The following ERN1 variants were observed in gnomAD, a reference collection of about 807,000 sequenced individuals.
ERN1 encodes endoplasmic reticulum to nucleus signaling 1, also known as serine/threonine-protein kinase/endoribonuclease IRE1.
Under a neutral mutation model 113.1 loss-of-function variants are expected in ERN1, and 39 were observed. The observed-to-expected ratio is 0.34, with a 90% CI of 0.27 to 0.45. ERN1 has a LOEUF of 0.45. Ranked by LOEUF, ERN1 falls within the 20% of genes least tolerant of loss-of-function variation. The pLI is 1.00. For missense variants in ERN1, 976 were observed against 1,274.8 expected, an observed-to-expected ratio of 0.77 and a Z score of 3.57; for synonymous variants, 507 against 515.9, an observed-to-expected ratio of 0.98 and a Z score of 0.23.
At chr17:64,059,532 G>A (rs942032719) in intron 11 of ERN1, among the ~76,000 whole-genome samples, 4 of 152,210 alleles carry the variant, frequency 2.6e-5, no homozygotes, top group Non-Finnish European at 4.4e-5. Flanking sequence ...CTCCTCCACC[G>A]GCTCTGTGCC....
rs566238093 is a variant in ERN1, at chr17:64,042,774, A to G, written c.*1214T>C. Reference sequence around the variant, plus strand: ...TTGCTATAATGTTTTACTCTTCAGCATTAGAGAATGTTCTATACATGAACA... The same window carrying G: ...TTGCTATAATGTTTTACTCTTCAGCGTTAGAGAATGTTCTATACATGAACA... On this transcript the variant is annotated 3_prime_UTR_variant, in exon 22 of 22. Coordinates refer to ENST00000433197, the MANE Select transcript of ERN1 (RefSeq NM_001433.5). The G allele has an allele frequency of 1.1e-3, 161 of 152,180 alleles. 1 individual carries two copies. Among genetic ancestry groups the G allele is most frequent in the African/African-American group, 3.7e-3 (153 of 41,426 alleles). 9.4% of individuals were successfully genotyped at this position (152,180 alleles called of 1,614,324 possible). A position where few individuals can be genotyped will look rare whatever the true frequency, so the allele number is the denominator to read the frequency against.
intron 2 of ERN1, among the ~76,000 whole-genome samples, chr17:64,081,205 G>C (rs1330201974): frequency 6.6e-6 from 1 of 152,142 alleles, no homozygotes; most frequent in Non-Finnish European, 1.5e-5. Context: ...TACCTTGTCC[G>C]ATGCCTGGAG....
At chr17:64,065,891 C>A (rs1283122748) in intron 8 of ERN1, among the ~76,000 whole-genome samples, 1 of 152,206 alleles carries the variant, frequency 6.6e-6, no homozygotes, top group Non-Finnish European at 1.5e-5. Context: ...GAGAGCTACA[C>A]CTCCTGGCCC....
At chr17:64,057,620 G>A (rs899926885) in intron 12 of ERN1, among the ~76,000 whole-genome samples, 182 bp downstream of exon 12, 4 of 152,068 alleles carry the variant, frequency 2.6e-5, no homozygotes, top group African/African-American at 9.7e-5. Context: ...CACCCGCCTC[G>A]GCCTCCCAAA....
chr17:64,127,146 A>G (rs1040776668), intron 1 of ERN1, among the ~76,000 whole-genome samples: 4 of 152,196 alleles, frequency 2.6e-5, no homozygotes, highest in Non-Finnish European at 5.9e-5. Context: ...TACCAATGTT[A>G]TTGCGTTTTG....
chr17:64,128,335 C>A (rs1477209354), intron 1 of ERN1, among the ~76,000 whole-genome samples: 4 of 152,054 alleles, frequency 2.6e-5, no homozygotes, highest in Admixed American at 2.6e-4. Flanking sequence ...AATATAGTTA[C>A]GCTAAACTAT....
intron 1 of ERN1, among the ~76,000 whole-genome samples, chr17:64,104,059 G>A (rs1043026605): frequency 2.6e-4 from 39 of 151,710 alleles, no homozygotes; most frequent in African/African-American, 9.2e-4. Flanking sequence ...TGCAATATAG[G>A]GAGACCCCAT....
Position 64,057,892 on chromosome 17 carries a change from G to A in ERN1, c.1308C>T (p.Pro436=), listed in dbSNP as rs368356760. ...CCATGTCCTTAAGCATGGAGTCCAC[G>A]GGGGCCTCGGGCCGGGCAGGGGCAT... is the stretch of plus-strand genomic sequence containing the variant. ...PAHAPARPEA[P]VDSMLKDMAT... Residue 436 remains proline (P), a synonymous_variant, in exon 12 of 22, where the codon CCC becomes CCT. Transcript: ENST00000433197. 9.1e-5 allele frequency: 147 copies of A among 1,613,412 alleles called. No homozygotes were observed. The highest frequency in any genetic ancestry group is 1.2e-4 in the Non-Finnish European group (142 of 1,179,680).
intron 9 of ERN1, among the ~76,000 whole-genome samples, chr17:64,064,979 T>C (rs196938): frequency 0.98 from 149,051 of 152,278 alleles, 73,049 homozygotes; most frequent in Middle Eastern, 1. Flanking sequence ...TTAGATTTGA[T>C]CACAAAAGCA....
chr17:64,098,862 A>C (rs1251767302), intron 1 of ERN1, among the ~76,000 whole-genome samples: 1 of 152,132 alleles, frequency 6.6e-6, no homozygotes, highest in African/African-American at 2.4e-5. Context: ...AACAAACTTA[A>C]AACAAAACAA....
At chr17:64,068,161 G>A (rs1229865302) in intron 7 of ERN1, 29 bp downstream of exon 7, 2 of 1,526,148 alleles carry the variant, frequency 1.3e-6, no homozygotes, top group East Asian at 2.3e-5. Context: ...ACTGGCCCAA[G>A]CTTGTGAAAT....
chr17:64,072,811 GA>G (rs886652663), intron 5 of ERN1, among the ~76,000 whole-genome samples: 1 of 152,184 alleles, frequency 6.6e-6, no homozygotes, highest in Non-Finnish European at 1.5e-5. Flanking sequence ...AGCATCCTAG[GA>G]ATGGAGAGTC....
At chr17:64,097,986 C>G in intron 2 of ERN1, 135 bp downstream of exon 2, 2 of 1,193,190 alleles carry the variant, frequency 1.7e-6, no homozygotes, top group East Asian at 5.1e-5. Context: ...GCCTTTTCCT[C>G]TCTTGATCCC....
At chr17:64,050,050 C>A (rs186718636) in intron 17 of ERN1, among the ~76,000 whole-genome samples, 1 of 152,142 alleles carries the variant, frequency 6.6e-6, no homozygotes, top group Admixed American at 6.5e-5. Context: ...CCTTGTGAGG[C>A]GAGCAGAGCA....
intron 9 of ERN1, 93 bp downstream of exon 9, chr17:64,065,116 A>T: frequency 1.3e-6 from 1 of 767,198 alleles, no homozygotes; most frequent in Non-Finnish European, 2.1e-6. Flanking sequence ...TTTCATTCTT[A>T]ACCTGCAGGA....
chr17:64,083,077 G>A (rs1913817505), intron 2 of ERN1, among the ~76,000 whole-genome samples: 1 of 152,058 alleles, frequency 6.6e-6, no homozygotes, highest in Non-Finnish European at 1.5e-5. Flanking sequence ...TTTTCTTTAA[G>A]AATCATCTGA....
At chr17:64,112,261 G>A (rs981412481) in intron 1 of ERN1, among the ~76,000 whole-genome samples, 2 of 151,790 alleles carry the variant, frequency 1.3e-5, no homozygotes, top group Non-Finnish European at 2.9e-5. Context: ...CCAGCTCCTC[G>A]AGTGGGTGAG....
chr17:64,112,484 C>A (rs1405508271), intron 1 of ERN1, among the ~76,000 whole-genome samples: 1 of 152,070 alleles, frequency 6.6e-6, no homozygotes, highest in Non-Finnish European at 1.5e-5. Flanking sequence ...TGGAAACTCA[C>A]CTATGATGCT....
At chr17:64,087,154 C>T (rs1263457511) in intron 2 of ERN1, among the ~76,000 whole-genome samples, 5 of 152,116 alleles carry the variant, frequency 3.3e-5, no homozygotes, top group African/African-American at 1.2e-4. Context: ...CCTTTATAAC[C>T]CAAGCTGGGT....
Sources: gnomAD v4.1 joint callset for allele counts (sites outside exome capture counted in the v4.1 genomes callset) on GRCh38, gnomAD v4.1.1 for gene constraint, MANE v1.5 for transcripts, NCBI Gene and HGNC (gene_info 2026-07-23, HGNC 2026-07-21) for gene names.